Variants in CEP350 observed in about 807,000 individuals in gnomAD.
CEP350 encodes the protein centrosomal protein 350, also known as centrosome-associated protein 350.
CEP350 carries 126 observed loss-of-function variants against 331.8 expected under a neutral mutation model. The observed-to-expected ratio is 0.38, with a 90% CI of 0.33 to 0.44. The LOEUF is 0.44. Among genes scored for constraint, CEP350 ranks in the 20% least tolerant of loss-of-function variants. The probability of loss-of-function intolerance (pLI) is 1.00; values close to 1 mark genes in which losing one functional copy is unlikely to be tolerated. For missense variants in CEP350, 3,406 were observed against 3,634.6 expected (o/e 0.94, Z 1.62); for synonymous variants, 1,200 against 1,259.5 (o/e 0.95, Z 1.00).
chr1:180,020,617 T>C lies in CEP350; in HGVS notation c.2843T>C (p.Leu948Pro). Residue 948 changes from leucine to proline, a missense_variant, in exon 12 of 38, where the codon CTG becomes CCG. Around this residue, in one of 5 missense-constraint regions of CEP350, gnomAD observed 1,857 missense variants for 1,909.2 expected, o/e 0.97. Coordinates refer to ENST00000367607, the MANE Select transcript of CEP350 (RefSeq NM_014810.5). The part of the protein sequence containing the change: ...RSPGPKPEGL[L>P]AQLCKRQTDS... ...CCTGGTCCCAAACCAGAAGGGCTAC[T>C]GGCACAGTTATGTAAAAGGCAGACT... The C allele has an allele frequency of 6.2e-7, 1 of 1,613,994 alleles. No homozygotes were observed. The highest frequency in any genetic ancestry group is 8.5e-7 in the Non-Finnish European group (1 of 1,179,882).
At chr1:180,061,319 C>T (rs1332640238) in intron 25 of CEP350, among the ~76,000 whole-genome samples, 1 of 152,106 alleles carries the variant, frequency 6.6e-6, no homozygotes, top group Non-Finnish European at 1.5e-5. Context: ...ACCTCAGCCT[C>T]CCAAGTGGCT....
At chr1:180,056,618 C>T (rs760764563) in intron 25 of CEP350, among the ~76,000 whole-genome samples, 12 of 151,864 alleles carry the variant, frequency 7.9e-5, no homozygotes, top group South Asian at 4.2e-4. Flanking sequence ...CACAGGTGTG[C>T]GCCACCAGTG....
intron 26 of CEP350, among the ~76,000 whole-genome samples, chr1:180,063,144 A>G (rs4512606): frequency 6.6e-6 from 1 of 151,846 alleles, no homozygotes; most frequent in South Asian, 2.1e-4. Flanking sequence ...ATATGATGAT[A>G]CATGATTCAA....
chr1:180,011,323 TTAAG>T (rs1488970867), intron 8 of CEP350, among the ~76,000 whole-genome samples: 3 of 152,248 alleles, frequency 2.0e-5, no homozygotes, highest in African/African-American at 7.2e-5. Flanking sequence ...TGTTCTTTGA[TTAAG>T]TCATTTTTTT....
intron 1 of CEP350, among the ~76,000 whole-genome samples, chr1:179,985,823 T>A (rs1652609093): frequency 6.6e-6 from 1 of 152,130 alleles, no homozygotes; most frequent in African/African-American, 2.4e-5. Context: ...ATTATGGAGA[T>A]TACAATTCAG....
intron 12 of CEP350, among the ~76,000 whole-genome samples, chr1:180,021,246 G>A (rs1422925924): frequency 6.6e-6 from 1 of 152,094 alleles, no homozygotes; most frequent in Non-Finnish European, 1.5e-5. Context: ...AGTTGAGACT[G>A]GTAGCTTTAG....
chr1:180,093,971 T>C lies in CEP350; in HGVS notation c.7866T>C (p.Asp2622=). 6.2e-7 allele frequency: 1 copy of C among 1,613,850 alleles called. No individual in the cohort carries two copies. The highest frequency in any genetic ancestry group is 8.5e-7 in the Non-Finnish European group (1 of 1,179,822). ...FYEKSLPSVN[D]IEASVNRSRS... ...AGAAATCCCTACCTAGTGTGAATGA[T>C]ATAGAAGCCTCAGTTAATAGAAGTA... is the stretch of plus-strand genomic sequence containing the variant. Residue 2622 remains aspartate (D), a synonymous_variant, in exon 34 of 38, where the codon GAT becomes GAC. Coordinates refer to ENST00000367607, the MANE Select transcript of CEP350 (RefSeq NM_014810.5).
chr1:180,017,860 T>C (rs1215124230), intron 11 of CEP350, among the ~76,000 whole-genome samples: 1 of 152,244 alleles, frequency 6.6e-6, no homozygotes, highest in Admixed American at 6.5e-5. Flanking sequence ...AACACTTTCC[T>C]TGGCTAGCAG....
chr1:179,989,179 G>T (rs1304896415), intron 3 of CEP350, among the ~76,000 whole-genome samples: 1 of 151,822 alleles, frequency 6.6e-6, no homozygotes, highest in Non-Finnish European at 1.5e-5. Context: ...AAGGCTGGGC[G>T]CAGTGTCTCA....
intron 21 of CEP350, 44 bp downstream of exon 21, chr1:180,044,217 G>T (rs1258002087): frequency 6.8e-7 from 1 of 1,477,896 alleles, no homozygotes; most frequent in Non-Finnish European, 9.0e-7. Context: ...TTAGTAGATT[G>T]TGATAAATGG....
intron 28 of CEP350, among the ~76,000 whole-genome samples, chr1:180,075,879 C>T (rs1344775637): frequency 1.3e-5 from 2 of 151,942 alleles, no homozygotes; most frequent in Non-Finnish European, 2.9e-5. Context: ...ATTGCTTGAA[C>T]CCAGGAGGTG....
intron 6 of CEP350, among the ~76,000 whole-genome samples, chr1:179,999,366 T>TA (rs1176130450): frequency 6.6e-6 from 1 of 152,142 alleles, no homozygotes; most frequent in Non-Finnish European, 1.5e-5. Context: ...TGCTAGTTTT[T>TA]ATATTAAAAT....
intron 14 of CEP350, 67 bp downstream of exon 14, chr1:180,024,649 T>C: frequency 6.7e-7 from 1 of 1,497,646 alleles, no homozygotes; most frequent in Non-Finnish European, 8.9e-7. Context: ...TCTAAAGTTA[T>C]GATTTGATTG....
chr1:180,056,615 G>A (rs1049070621), intron 25 of CEP350, among the ~76,000 whole-genome samples: 3 of 151,740 alleles, frequency 2.0e-5, no homozygotes, highest in African/African-American at 7.3e-5. Flanking sequence ...GACCACAGGT[G>A]TGCGCCACCA....
At chr1:180,100,956 T>A (rs1216703661) in intron 37 of CEP350, among the ~76,000 whole-genome samples, 1 of 152,154 alleles carries the variant, frequency 6.6e-6, no homozygotes, top group Non-Finnish European at 1.5e-5. Context: ...AAGTTGAGAT[T>A]TAGGTGGGGA....
At chr1:180,030,225 A>T (rs1447465289) in intron 14 of CEP350, among the ~76,000 whole-genome samples, 2 of 147,472 alleles carry the variant, frequency 1.4e-5, no homozygotes, top group Non-Finnish European at 3.0e-5. Flanking sequence ...ATATATATAT[A>T]TATATTTTAA....
chr1:180,075,926 C>T (rs1215234153), intron 28 of CEP350, among the ~76,000 whole-genome samples: 1 of 151,706 alleles, frequency 6.6e-6, no homozygotes, highest in East Asian at 1.9e-4. Flanking sequence ...CACTGCACTC[C>T]AGCCTGGCAA....
chr1:180,060,213 C>A (rs1483375364), intron 25 of CEP350, among the ~76,000 whole-genome samples: 1 of 152,200 alleles, frequency 6.6e-6, no homozygotes, highest in Non-Finnish European at 1.5e-5. Flanking sequence ...GGTCTCAAGA[C>A]TTCCAGGGAT....
At chr1:180,085,870 T>G (rs552034865) in intron 31 of CEP350, 25 of 152,344 alleles carry the variant, frequency 1.6e-4, no homozygotes, top group African/African-American at 6.0e-4. Flanking sequence ...AAATGCCTAT[T>G]TATGTGCCAG....
Sources: gnomAD v4.1 joint callset for allele counts (sites outside exome capture counted in the v4.1 genomes callset) on GRCh38, gnomAD v4.1.1 for gene constraint, gnomAD v4.1.1 regional missense constraint, MANE v1.5 for transcripts, NCBI Gene and HGNC (gene_info 2026-07-23, HGNC 2026-07-21) for gene names.